NFXL1: variants seen among roughly 807,000 people sequenced by gnomAD.
The protein encoded by NFXL1 is nuclear transcription factor, X-box binding like 1.
Under a neutral mutation model 123.3 loss-of-function variants are expected in NFXL1, and 66 were observed. That is an observed-to-expected ratio of 0.54 (90% confidence interval 0.44 to 0.66). The LOEUF is 0.66. Among genes scored for constraint, NFXL1 ranks in the 30% least tolerant of loss-of-function variants. The probability of loss-of-function intolerance (pLI) is 0.00; values close to 1 mark genes in which losing one functional copy is unlikely to be tolerated. For synonymous variants in NFXL1, 346 were observed against 360.8 expected (o/e 0.96, Z 0.46); for missense variants, 944 against 1,125.6 (o/e 0.84, Z 2.31).
At position 47,910,979 on chromosome 4, in the gene NFXL1, T is replaced by G; in HGVS notation, c.251A>C (p.Lys84Thr). ...AGCTTTCTTGATTTCTTCAAATTTT[T>G]TCTGAGACATTAGCTCTGTTTAAAA... ...TTAASELMSQ[K>T]KFEEIKKANQ... Residue 84 changes from lysine (K) to threonine (T), a missense_variant, in exon 3 of 23, where the codon AAA becomes ACA. Around this residue, in one of 4 missense-constraint regions of NFXL1, gnomAD observed 303 missense variants for 292.1 expected, o/e 1.04. Transcript: ENST00000507489. 6.3e-7 allele frequency: 1 copy of G among 1,594,296 alleles called. No individual in the cohort carries two copies. The highest frequency in any genetic ancestry group is 1.1e-5 in the South Asian group (1 of 87,366).
At chr4:47,902,898 G>T (rs1194989261) in intron 5 of NFXL1, among the ~76,000 whole-genome samples, 1 of 152,156 alleles carries the variant, frequency 6.6e-6, no homozygotes, top group Non-Finnish European at 1.5e-5. Context: ...TGGCGTGCCA[G>T]CCTAGTTGGC....
rs773063077 is a variant in NFXL1, at chr4:47,896,541, G to A, written c.1311C>T (p.Pro437=). Residue 437 remains proline (P), a synonymous_variant, in exon 10 of 23, where the codon CCC becomes CCT. Coordinates refer to ENST00000507489, the MANE Select transcript of NFXL1 (RefSeq NM_001278624.2). ...GACTAACTTGTCTACATGTTTCACA[G>A]GGACCTCGGTGACAACGCTGTGAAC... ...HRCSQRCHRG[P]CETCRQEVEK... 1 of 1,613,176 alleles carries A rather than the reference G, an allele frequency of 6.2e-7. No individual in the cohort carries two copies. The highest frequency in any genetic ancestry group is 8.5e-7 in the Non-Finnish European group (1 of 1,179,280).
intron 9 of NFXL1, among the ~76,000 whole-genome samples, chr4:47,897,036 C>A (rs1439095067): frequency 6.6e-6 from 1 of 152,112 alleles, no homozygotes; most frequent in Non-Finnish European, 1.5e-5. Context: ...TTTAAAACAC[C>A]ACCTGGCTGA....
Position 47,873,434 on chromosome 4 carries a change from C to T in NFXL1, c.2246+1693G>A, listed in dbSNP as rs553563883. ...CTGAAAGTTGAAATTACTCCTTGAA[C>T]CATGGACTGCAGAATGGATGTTGTG... is the stretch of plus-strand genomic sequence containing the variant. On this transcript the variant is annotated intron_variant, in intron 18 of 22. Transcript: ENST00000507489. 3.9e-5 allele frequency among the ~76,000 whole-genome samples: 6 copies of T among 152,320 alleles called. No individual in the cohort carries two copies. The South Asian group carries it at 1.2e-3, about 32-fold the overall frequency.
At chr4:47,861,354 AT>A (rs1734756354) in intron 19 of NFXL1, among the ~76,000 whole-genome samples, 1 of 152,176 alleles carries the variant, frequency 6.6e-6, no homozygotes, top group Admixed American at 6.5e-5. Flanking sequence ...CAGGCTACAG[AT>A]ACATTTTTCA....
At chr4:47,891,570 A>G (rs1305773310) in intron 11 of NFXL1, among the ~76,000 whole-genome samples, 1 of 152,074 alleles carries the variant, frequency 6.6e-6, no homozygotes, top group Non-Finnish European at 1.5e-5. Flanking sequence ...TAATTTTTCA[A>G]TCATGGACAC....
At chr4:47,854,873 T>A (rs1167743136) in intron 20 of NFXL1, among the ~76,000 whole-genome samples, 186 bp downstream of exon 20, 1 of 142,272 alleles carries the variant, frequency 7.0e-6, no homozygotes, top group Non-Finnish European at 1.5e-5. Flanking sequence ...AATAAATGTT[T>A]AAAGAACTAG....
chr4:47,848,975 C>T (rs563837929), intron 22 of NFXL1, among the ~76,000 whole-genome samples: 5 of 152,270 alleles, frequency 3.3e-5, no homozygotes, highest in African/African-American at 1.2e-4. Flanking sequence ...TATACATTGA[C>T]ACCATTATAC....
chr4:47,852,034 T>A, intron 20 of NFXL1, 92 bp from the exon 21 acceptor site: 1 of 736,590 alleles, frequency 1.4e-6, no homozygotes, highest in African/African-American at 1.8e-5. Flanking sequence ...TAGCTTAAGG[T>A]TATAAGTATT....
intron 18 of NFXL1, among the ~76,000 whole-genome samples, chr4:47,870,332 A>C (rs1220033057): frequency 6.6e-6 from 1 of 152,246 alleles, no homozygotes; most frequent in African/African-American, 2.4e-5. Flanking sequence ...ATCTCCACAG[A>C]TGCTAAAATA....
At position 47,903,253 on chromosome 4, in the gene NFXL1, T is replaced by A; in HGVS notation, c.587A>T (p.Gln196Leu). The A allele has an allele frequency of 6.2e-7, 1 of 1,600,920 alleles. No homozygotes were observed. The highest frequency in any genetic ancestry group is 8.5e-7 in the Non-Finnish European group (1 of 1,172,900). The change falls in exon 5 of 23, where the codon CAG becomes CTG. Residue 196 changes from glutamine to leucine, a missense_variant. Coordinates refer to ENST00000507489, the MANE Select transcript of NFXL1 (RefSeq NM_001278624.2). ...ATCAGTCACAGAAGATACAAGAAAC[T>A]GGCTGTCTTTAGCCCACTTCTGGAT... is the stretch of plus-strand genomic sequence containing the variant. ...PCIQKWAKDSQFLVSSVTDDD... is the reference protein window; with the variant it reads ...PCIQKWAKDSLFLVSSVTDDD...
At chr4:47,894,501 A>C (rs1456652398) in intron 10 of NFXL1, among the ~76,000 whole-genome samples, 199 bp from the exon 11 acceptor site, 6 of 152,082 alleles carry the variant, frequency 3.9e-5, no homozygotes, top group African/African-American at 1.4e-4. Context: ...ACTTCATATA[A>C]ATTTGTTATT....
chr4:47,862,748 A>G (rs1734840365), intron 19 of NFXL1, 98 bp downstream of exon 19: 2 of 751,642 alleles, frequency 2.7e-6, no homozygotes, highest in Admixed American at 5.0e-5. Flanking sequence ...AAGATACAAC[A>G]GAGAAGACCT....
chr4:47,885,963 T>C lies in NFXL1; in HGVS notation c.1580A>G (p.Lys527Arg), dbSNP rs752493580. 6 of 1,613,680 alleles carry C rather than the reference T, an allele frequency of 3.7e-6. No homozygotes were observed. The African/African-American group carries it at 5.3e-5, about 14-fold the overall frequency. ...CYPCPETVDV[K>R]CNCGNTKVTV... The stretch of plus-strand genomic sequence containing the variant: ...CACCTTTGTATTGCCACAATTACAC[T>C]TCACATCTACGGTTTCTGGGCAGGG... The change falls in exon 13 of 23, where the codon AAG becomes AGG. Residue 527 changes from lysine (K) to arginine (R), a missense_variant. This residue lies in a region of NFXL1 where 296 missense variants were observed against 395.1 expected (regional missense o/e 0.75). Transcript: ENST00000507489.
intron 18 of NFXL1, among the ~76,000 whole-genome samples, chr4:47,868,803 T>C (rs1342376291): frequency 6.6e-6 from 1 of 152,190 alleles, no homozygotes; most frequent in Non-Finnish European, 1.5e-5. Context: ...AAGCCAAAAG[T>C]ATTAAATGTA....
At chr4:47,909,634 T>C (rs943681707) in intron 3 of NFXL1, among the ~76,000 whole-genome samples, 1 of 151,740 alleles carries the variant, frequency 6.6e-6, no homozygotes, top group Non-Finnish European at 1.5e-5. Flanking sequence ...ATGTTGACAT[T>C]ACATGCAAAA....
chr4:47,908,346 C>T (rs759094637), intron 3 of NFXL1, among the ~76,000 whole-genome samples: 1 of 151,866 alleles, frequency 6.6e-6, no homozygotes, highest in Non-Finnish European at 1.5e-5. Flanking sequence ...GTCACTTGAG[C>T]TCAGTAGTTC....
At chr4:47,849,037 T>C (rs73141930) in intron 22 of NFXL1, among the ~76,000 whole-genome samples, 39 of 152,330 alleles carry the variant, frequency 2.6e-4, no homozygotes, top group African/African-American at 9.1e-4. Context: ...TAGCAAGTGC[T>C]GTGATGCCTA....
At chr4:47,853,439 TG>T (rs1734233013) in intron 20 of NFXL1, among the ~76,000 whole-genome samples, 2 of 151,954 alleles carry the variant, frequency 1.3e-5, no homozygotes, top group Admixed American at 6.6e-5. Context: ...ATTTTACAGA[TG>T]AGGAAACAAG....
Sources: gnomAD v4.1 joint callset for allele counts (sites outside exome capture counted in the v4.1 genomes callset) on GRCh38, gnomAD v4.1.1 for gene constraint, gnomAD v4.1.1 regional missense constraint, MANE v1.5 for transcripts, NCBI Gene and HGNC (gene_info 2026-07-23, HGNC 2026-07-21) for gene names.